PER2: variants seen among roughly 807,000 people sequenced by gnomAD.
The protein encoded by PER2 is period circadian regulator 2.
In PER2, 66 loss-of-function variants were observed where a neutral mutation model predicts 121.0. The ratio of observed to expected loss-of-function variants is 0.55; its 90% CI spans 0.45 to 0.67. PER2 has a LOEUF of 0.67. PER2 is among the 30% of genes least tolerant of loss of function. The probability of loss-of-function intolerance (pLI) is 0.00; values close to 1 mark genes in which losing one functional copy is unlikely to be tolerated. For synonymous variants in PER2, 684 were observed against 659.9 expected (o/e 1.04, Z -0.56); for missense variants, 1,521 against 1,635.0 (o/e 0.93, Z 1.20).
rs763577594 is a variant in PER2, at chr2:238,258,384, T to C, written c.1792A>G (p.Asn598Asp). Reference protein sequence around the residue: ...DSVIRYLESCNEAATLKRKCE... With the variant: ...DSVIRYLESCDEAATLKRKCE... The stretch of plus-strand genomic sequence containing the variant: ...TTCCTCTTCAGGGTGGCAGCCTCAT[T>C]GCAGCTCTCCAAGTACCTGTGTGAA... The change falls in exon 16 of 23, where the codon AAT becomes GAT. Residue 598 changes from asparagine (N) to aspartate (D), a missense_variant. Coordinates refer to ENST00000254657, the MANE Select transcript of PER2 (RefSeq NM_022817.3). The C allele has an allele frequency of 1.2e-6, 2 of 1,614,156 alleles. No individual in the cohort carries two copies. The highest frequency in any genetic ancestry group is 2.2e-5 in the South Asian group (2 of 91,070).
chr2:238,257,505 G>C lies in PER2; in HGVS notation c.1901-419C>G, dbSNP rs551399792. Reference sequence around the variant, plus strand: ...TTTTTCTTTTTTGAGATGGAGTCTCGCTCTGTCACCCAGGCTGGAGTGCAG... The same window carrying C: ...TTTTTCTTTTTTGAGATGGAGTCTCCCTCTGTCACCCAGGCTGGAGTGCAG... On this transcript the variant is annotated intron_variant, in intron 16 of 22. Transcript: ENST00000254657. Among the ~76,000 whole-genome samples, 5 of 152,214 alleles carry C rather than the reference G, an allele frequency of 3.3e-5. No individual in the cohort carries two copies. In the East Asian group the frequency reaches 9.7e-4, roughly 29 times the overall value.
intron 4 of PER2, among the ~76,000 whole-genome samples, chr2:238,274,062 C>A (rs1399239563): frequency 6.6e-6 from 1 of 152,228 alleles, no homozygotes; most frequent in Non-Finnish European, 1.5e-5. Flanking sequence ...TGCCATCAGA[C>A]ACCCCCATCC....
chr2:238,253,412 G>A lies in PER2; in HGVS notation c.2611C>T (p.Pro871Ser). The A allele has an allele frequency of 6.2e-7, 1 of 1,610,158 alleles. No individual in the cohort carries two copies. The highest frequency in any genetic ancestry group is 8.5e-7 in the Non-Finnish European group (1 of 1,177,172). Residue 871 changes from proline (P) to serine (S), a missense_variant, in exon 19 of 23, where the codon CCT becomes TCT. Physicochemically the swap from Pro to Ser is moderately conservative, Grantham distance 74. Coordinates refer to ENST00000254657, the MANE Select transcript of PER2 (RefSeq NM_022817.3). The surrounding 1 kb of genome is among the most constrained non-coding windows in gnomAD (Gnocchi z 5.6). The part of the protein sequence containing the change: ...APGTVAAPPA[P>S]PHASFTVPAV... ...GGCACTGTGAAGCTGGCGTGGGGAG[G>A]TGCCGGGGGTGCTGCCACAGTCCCT...
rs367596317 is a variant in PER2 at position 238,252,327 on chromosome 2, C to G, written c.3112-566G>C. 6.6e-6 allele frequency among the ~76,000 whole-genome samples: 1 copy of G among 152,250 alleles called. No individual in the cohort carries two copies. The highest frequency in any genetic ancestry group is 1.9e-4 in the East Asian group (1 of 5,206). ...TCCTCTGGCCAAGGCAGGGAATCGC[C>G]TGAGGCCTACGGACTGCACTGCTGC... is the stretch of plus-strand genomic sequence containing the variant. On this transcript the variant is annotated intron_variant, in intron 19 of 22. Transcript: ENST00000254657. The surrounding 1 kb of genome is among the most constrained non-coding windows in gnomAD (Gnocchi z 4.2).
chr2:238,257,236 T>C (rs1695791351), intron 16 of PER2, 150 bp from the exon 17 acceptor site: 3 of 643,082 alleles, frequency 4.7e-6, no homozygotes, highest in Non-Finnish European at 8.0e-6. Flanking sequence ...GGCCCAGGCA[T>C]GGGGTGATTT....
At chr2:238,261,214 C>T (rs1370005608) in intron 12 of PER2, among the ~76,000 whole-genome samples, 1 of 152,236 alleles carries the variant, frequency 6.6e-6, no homozygotes, top group African/African-American at 2.4e-5. Flanking sequence ...CTCATCAACG[C>T]ATGGCTGCAG....
chr2:238,256,565 G>A (rs925379589), intron 17 of PER2, among the ~76,000 whole-genome samples: 2 of 152,248 alleles, frequency 1.3e-5, no homozygotes, highest in African/African-American at 4.8e-5. Flanking sequence ...CTGCTGGGCA[G>A]AGGAAAGAAC....
upstream of PER2, among the ~76,000 whole-genome samples, chr2:238,291,701 C>A (rs948486364): frequency 1.3e-5 from 2 of 152,192 alleles, no homozygotes; most frequent in Non-Finnish European, 2.9e-5. Context: ...TTGAACCCAG[C>A]GCTGACCTAC....
In PER2 at chr2:238,258,621, C is replaced by T. The variant is rs1695835037; in HGVS notation, c.1651G>A (p.Glu551Lys). Residue 551 changes from glutamate (E) to lysine (K), a missense_variant, in exon 15 of 23, where the codon GAG (glutamate) becomes AAG (lysine). Transcript: ENST00000254657. ...TCCATGGCAGGGACAGCTTTCTTCTCAGCTGGGGGATTAGTTTGCATTTCT... is the reference window on the plus strand; with the variant it reads ...TCCATGGCAGGGACAGCTTTCTTCTTAGCTGGGGGATTAGTTTGCATTTCT... ...VTEMQTNPPA[E>K]KKAVPAMEKD... 6.2e-7 allele frequency: 1 copy of T among 1,614,010 alleles called. No individual in the cohort carries two copies. The highest frequency in any genetic ancestry group is 8.5e-7 in the Non-Finnish European group (1 of 1,180,030).
rs770245419 is a variant in PER2, at chr2:238,256,908, G to T, written c.2065+14C>A. ...AATCAAACTGCTCTCTGATCCAAGA[G>T]CCCATAGTCATACCTAACTCCGGCT... On this transcript the variant is annotated intron_variant, in intron 17 of 22. Coordinates refer to ENST00000254657, the MANE Select transcript of PER2 (RefSeq NM_022817.3). 2.5e-6 allele frequency: 4 copies of T among 1,612,162 alleles called. No homozygotes were observed. In the Admixed American group the frequency reaches 5.0e-5, roughly 20 times the overall value.
chr2:238,256,483 G>A (rs1273352969), intron 17 of PER2, among the ~76,000 whole-genome samples: 2 of 152,152 alleles, frequency 1.3e-5, no homozygotes, highest in African/African-American at 2.4e-5. Context: ...CCACCAATGC[G>A]CTCATTGTAA....
Position 238,275,822 on chromosome 2 carries a change from A to T in PER2, c.369T>A (p.Pro123=). The change falls in exon 4 of 23, where the codon CCT becomes CCA. Residue 123 remains proline (P), a synonymous_variant. Coordinates refer to ENST00000254657, the MANE Select transcript of PER2 (RefSeq NM_022817.3). The stretch of plus-strand genomic sequence containing the variant: ...CCTTGCCCTTGGCCTTCTTGTCTGC[A>T]GGGAGGTGGACCTTCAGCTCCTTTA... ...KTLKELKVHL[P]ADKKAKGKAS... The T allele has an allele frequency of 6.2e-7, 1 of 1,614,248 alleles. No homozygotes were observed. The highest frequency in any genetic ancestry group is 8.5e-7 in the Non-Finnish European group (1 of 1,180,024).
At chr2:238,249,875 G>A (rs956744339) in intron 21 of PER2, among the ~76,000 whole-genome samples, 3 of 152,204 alleles carry the variant, frequency 2.0e-5, no homozygotes, top group Non-Finnish European at 2.9e-5. Flanking sequence ...CACCATGACT[G>A]TAAGTTTCCT....
chr2:238,287,578 C>T (rs975588315), intron 1 of PER2, among the ~76,000 whole-genome samples: 1 of 152,228 alleles, frequency 6.6e-6, no homozygotes, highest in African/African-American at 2.4e-5. Flanking sequence ...GGATTCAGCA[C>T]GCAAGTGGAG....
Position 238,255,852 on chromosome 2 carries a change from G to C in PER2, c.2125C>G (p.Leu709Val), listed in dbSNP as rs143480213. The C allele has an allele frequency of 1.9e-6, 3 of 1,614,228 alleles. No homozygotes were observed. The highest frequency in any genetic ancestry group is 1.1e-5 in the South Asian group (1 of 91,088). ...TTCTCTTGGCTGAGACCACAGGCCA[G>C]GGCAGGGCCCGCCAGGCAGTCCAGG... The part of the protein sequence containing the change: ...ESLDCLAGPA[L>V]ACGLSQEKEP... The change falls in exon 18 of 23, where the codon CTG (leucine) becomes GTG (valine). Residue 709 changes from leucine (L) to valine (V), a missense_variant. Physicochemically the swap from Leu to Val is conservative, Grantham distance 32. Coordinates refer to ENST00000254657, the MANE Select transcript of PER2 (RefSeq NM_022817.3).
chr2:238,278,184 C>T (rs1331526257), intron 1 of PER2, among the ~76,000 whole-genome samples: 1 of 152,200 alleles, frequency 6.6e-6, no homozygotes. Context: ...ATCCTCCCAC[C>T]TCAGCCTCCA....
At chr2:238,271,156 C>A (rs1010830078) in intron 6 of PER2, among the ~76,000 whole-genome samples, 156 bp downstream of exon 6, 1 of 152,268 alleles carries the variant, frequency 6.6e-6, no homozygotes, top group Non-Finnish European at 1.5e-5. Context: ...CGAACAACTG[C>A]TTATCCTTTA....
chr2:238,279,946 C>G lies in PER2; in HGVS notation c.-19-1991G>C, dbSNP rs574109680. Among the ~76,000 whole-genome samples the G allele has an allele frequency of 8.7e-4, 132 of 152,278 alleles. 1 individual carries two copies. Among genetic ancestry groups the G allele is most frequent in the African/African-American group, 3.1e-3 (127 of 41,556 alleles). ...CCTGCTACCCCCGGCCATGGAAGGCCCAAGCCATGGCCAAGGCTGGACAGT... is the reference window on the plus strand; with the variant it reads ...CCTGCTACCCCCGGCCATGGAAGGCGCAAGCCATGGCCAAGGCTGGACAGT... On this transcript the variant is annotated intron_variant, in intron 1 of 22. Coordinates refer to ENST00000254657, the MANE Select transcript of PER2 (RefSeq NM_022817.3).
At chr2:238,275,718 G>C (rs757364508) in intron 4 of PER2, 25 bp downstream of exon 4, 1 of 1,608,706 alleles carries the variant, frequency 6.2e-7, no homozygotes, top group South Asian at 1.1e-5. Context: ...TATAGGTTTG[G>C]AGCAGATGTG....
Sources: gnomAD v4.1 joint callset for allele counts (sites outside exome capture counted in the v4.1 genomes callset) on GRCh38, gnomAD v4.1.1 for gene constraint, Gnocchi (gnomAD v3.1) non-coding constraint, MANE v1.5 for transcripts, NCBI Gene and HGNC (gene_info 2026-07-23, HGNC 2026-07-21) for gene names.